Variants in SGCZ observed in about 807,000 individuals in gnomAD.
SGCZ encodes the protein zeta-sarcoglycan.
In SGCZ, 40 loss-of-function variants were observed where a neutral mutation model predicts 41.3. The ratio of observed to expected loss-of-function variants is 0.97; its 90% CI spans 0.75 to 1.26. SGCZ has a LOEUF of 1.26. Ranked by LOEUF, SGCZ falls within the 50% of genes most tolerant of loss-of-function variation. SGCZ has a pLI of 0.00. For synonymous variants in SGCZ, 206 were observed against 137.5 expected, an observed-to-expected ratio of 1.50 and a Z score of -3.49; for missense variants, 552 against 369.8, an observed-to-expected ratio of 1.49 and a Z score of -4.04.
chr8:15,157,418 T>C (rs1192662604), intron 1 of SGCZ, among the ~76,000 whole-genome samples: 1 of 150,516 alleles, frequency 6.6e-6, no homozygotes, highest in Non-Finnish European at 1.5e-5. Flanking sequence ...GACCGTCTCT[T>C]AAGGGGGAAA....
At chr8:14,204,852 C>G (rs980300076) in intron 4 of SGCZ, among the ~76,000 whole-genome samples, 6 of 152,166 alleles carry the variant, frequency 3.9e-5, no homozygotes, top group African/African-American at 4.8e-5. Flanking sequence ...CATTCAGCCT[C>G]CATCTGATAG....
intron 2 of SGCZ, among the ~76,000 whole-genome samples, chr8:14,511,269 T>C (rs1802460696): frequency 6.6e-6 from 1 of 151,994 alleles, no homozygotes; most frequent in Non-Finnish European, 1.5e-5. Flanking sequence ...AATGCAATGA[T>C]TATTTAATAA....
intron 2 of SGCZ, among the ~76,000 whole-genome samples, chr8:14,497,269 A>T (rs575340538): frequency 4.5e-4 from 68 of 152,284 alleles, no homozygotes; most frequent in African/African-American, 1.6e-3. Flanking sequence ...CAAGGCCTGA[A>T]GCTTATAATC....
At chr8:14,825,547 C>G (rs1802274526) in intron 1 of SGCZ, among the ~76,000 whole-genome samples, 1 of 152,082 alleles carries the variant, frequency 6.6e-6, no homozygotes, top group Admixed American at 6.5e-5. Context: ...ATTGTATGTA[C>G]TTGAACAACA....
chr8:14,438,811 C>T (rs963042142), intron 2 of SGCZ, among the ~76,000 whole-genome samples: 2 of 151,882 alleles, frequency 1.3e-5, no homozygotes, highest in South Asian at 2.1e-4. Flanking sequence ...TTTAATTATA[C>T]CTTAACATCA....
intron 2 of SGCZ, among the ~76,000 whole-genome samples, chr8:14,492,867 C>T (rs575265723): frequency 6.6e-6 from 1 of 152,254 alleles, no homozygotes; most frequent in South Asian, 2.1e-4. Flanking sequence ...CAGTGTAATT[C>T]TTGACATTTC....
At chr8:14,416,532 G>A (rs76596870) in intron 2 of SGCZ, among the ~76,000 whole-genome samples, 89 of 151,876 alleles carry the variant, frequency 5.9e-4, no homozygotes, top group African/African-American at 1.9e-3. Flanking sequence ...AGATGCCTCC[G>A]ACAGAGAAAT....
chr8:14,667,846 T>C (rs542617363), intron 1 of SGCZ, among the ~76,000 whole-genome samples: 22 of 152,304 alleles, frequency 1.4e-4, no homozygotes, highest in Non-Finnish European at 2.6e-4. Context: ...TAGAATATTA[T>C]TGCTAAAATA....
At chr8:14,622,614 G>A (rs571318032) in intron 1 of SGCZ, among the ~76,000 whole-genome samples, 1 of 152,260 alleles carries the variant, frequency 6.6e-6, no homozygotes, top group South Asian at 2.1e-4. Flanking sequence ...CATTCAAGAT[G>A]TTTTAGAAGC....
chr8:14,618,834 G>A lies in SGCZ; in HGVS notation c.40-63908C>T, dbSNP rs77254807. ...AAAGCATTCCTTAACAATTCCGATG[G>A]GGAGTAAGCAGAAAAAGAGAAAAAG... On this transcript the variant is annotated intron_variant, in intron 1 of 7. Transcript: ENST00000382080. Among the ~76,000 whole-genome samples, 682 of 152,172 alleles carry A rather than the reference G, an allele frequency of 4.5e-3. 6 individuals are homozygous for A. The highest frequency in any genetic ancestry group is 0.016 in the African/African-American group (652 of 41,518).
chr8:14,821,879 A>G (rs1357261243), intron 1 of SGCZ, among the ~76,000 whole-genome samples: 1 of 152,122 alleles, frequency 6.6e-6, no homozygotes, highest in Admixed American at 6.5e-5. Flanking sequence ...AAAAGTCTAC[A>G]GTTTTCACTC....
At chr8:15,119,146 A>G (rs1323290691) in intron 1 of SGCZ, among the ~76,000 whole-genome samples, 2 of 152,066 alleles carry the variant, frequency 1.3e-5, no homozygotes, top group Admixed American at 6.6e-5. Context: ...TTAGACTCTA[A>G]AGAAAATATA....
chr8:15,230,822 G>T (rs1361381073), intron 1 of SGCZ, among the ~76,000 whole-genome samples: 1 of 152,094 alleles, frequency 6.6e-6, no homozygotes, highest in Non-Finnish European at 1.5e-5. Context: ...GAAGACATTG[G>T]ACAAATTCTT....
intron 1 of SGCZ, among the ~76,000 whole-genome samples, chr8:14,769,162 C>T (rs1382038183): frequency 2.0e-5 from 3 of 151,162 alleles, no homozygotes; most frequent in African/African-American, 4.9e-5. Flanking sequence ...CTTTAGGGAG[C>T]GAGGGAAAAA....
chr8:14,820,886 T>G (rs1248617964), intron 1 of SGCZ, among the ~76,000 whole-genome samples: 1 of 140,962 alleles, frequency 7.1e-6, no homozygotes, highest in Non-Finnish European at 1.5e-5. Context: ...CAAAAAAAGA[T>G]TTCAAATAAA....
intron 2 of SGCZ, among the ~76,000 whole-genome samples, chr8:14,376,526 C>A (rs1298483815): frequency 6.6e-6 from 1 of 151,982 alleles, no homozygotes; most frequent in South Asian, 2.1e-4. Context: ...TGAACTTATA[C>A]AGAAGAAATA....
intron 5 of SGCZ, among the ~76,000 whole-genome samples, chr8:14,115,233 T>G (rs1440797651): frequency 6.6e-6 from 1 of 152,036 alleles, no homozygotes; most frequent in African/African-American, 2.4e-5. Context: ...ACCTGAGGCT[T>G]CTAGAGAATC....
At chr8:15,004,044 A>G (rs955124525) in intron 1 of SGCZ, among the ~76,000 whole-genome samples, 1 of 152,114 alleles carries the variant, frequency 6.6e-6, no homozygotes, top group African/African-American at 2.4e-5. Flanking sequence ...CGCCCCAGAG[A>G]TCACCCAAAA....
At chr8:14,569,115 G>A (rs1442936515) in intron 1 of SGCZ, among the ~76,000 whole-genome samples, 2 of 152,064 alleles carry the variant, frequency 1.3e-5, no homozygotes, top group Non-Finnish European at 2.9e-5. Context: ...TAACCCCCAT[G>A]TCTGAATCAA....
Sources: allele counts gnomAD v4.1 joint callset (sites outside exome capture counted in the v4.1 genomes callset), GRCh38; gene constraint gnomAD v4.1.1; transcripts MANE v1.5; gene names NCBI Gene and HGNC (gene_info 2026-07-23, HGNC 2026-07-21).